COL25A1: variants seen among roughly 807,000 people sequenced by gnomAD.
COL25A1 encodes collagen type XXV alpha 1 chain, also known as collagen alpha-1(XXV) chain.
In COL25A1, 103 loss-of-function variants were observed where a neutral mutation model predicts 128.4. The observed-to-expected ratio is 0.80, with a 90% confidence interval of 0.68 to 0.94. COL25A1 has a LOEUF of 0.94. Ranked by LOEUF, COL25A1 falls within the 40% of genes least tolerant of loss-of-function variation. The probability of loss-of-function intolerance (pLI) is 0.00; values close to 1 mark genes in which losing one functional copy is unlikely to be tolerated. For missense variants in COL25A1, 745 were observed against 840.0 expected (o/e 0.89, Z 1.40); for synonymous variants, 279 against 277.2 (o/e 1.01, Z -0.06).
chr4:108,863,277 C>T, intron 21 of COL25A1, 42 bp downstream of exon 21: 1 of 1,583,046 alleles, frequency 6.3e-7, no homozygotes, highest in Non-Finnish European at 8.7e-7. Context: ...TAAATCAAAT[C>T]AAGCCAGAGA....
chr4:109,228,411 A>T (rs539579028), intron 3 of COL25A1, among the ~76,000 whole-genome samples: 1 of 152,298 alleles, frequency 6.6e-6, no homozygotes, highest in South Asian at 2.1e-4. Context: ...ACCTAACATG[A>T]TGCAACTGAC....
chr4:109,051,976 T>A (rs558146660), intron 3 of COL25A1, among the ~76,000 whole-genome samples: 7 of 152,278 alleles, frequency 4.6e-5, no homozygotes, highest in African/African-American at 1.7e-4. Context: ...TGGAAAGTAC[T>A]TTGACTGACC....
At chr4:109,151,268 A>G (rs1771475664) in intron 3 of COL25A1, among the ~76,000 whole-genome samples, 1 of 152,140 alleles carries the variant, frequency 6.6e-6, no homozygotes, top group Non-Finnish European at 1.5e-5. Flanking sequence ...CCTATAGATT[A>G]GCAAATGTTC....
At chr4:108,849,211 A>G (rs1735476578) in intron 26 of COL25A1, among the ~76,000 whole-genome samples, 1 of 152,168 alleles carries the variant, frequency 6.6e-6, no homozygotes, top group Non-Finnish European at 1.5e-5. Context: ...AAAAAGGAAA[A>G]CATAACAGTT....
intron 6 of COL25A1, among the ~76,000 whole-genome samples, chr4:108,982,304 T>TAGGA (rs1349225423): frequency 6.6e-6 from 1 of 152,150 alleles, no homozygotes; most frequent in African/African-American, 2.4e-5. Flanking sequence ...ATTTCGAGAA[T>TAGGA]AGGAAGGTCT....
chr4:108,884,571 G>A (rs535570357), intron 18 of COL25A1, among the ~76,000 whole-genome samples: 33 of 152,290 alleles, frequency 2.2e-4, no homozygotes, highest in African/African-American at 7.7e-4. Context: ...TTGCCCAAAT[G>A]AAGATAATGT....
intron 3 of COL25A1, among the ~76,000 whole-genome samples, chr4:109,107,102 T>C (rs1322760177): frequency 6.6e-6 from 1 of 152,178 alleles, no homozygotes; most frequent in Non-Finnish European, 1.5e-5. Context: ...AAAAAGTTTT[T>C]TTTAAACTTA....
chr4:108,983,230 C>T (rs1753198137), intron 6 of COL25A1, among the ~76,000 whole-genome samples: 1 of 151,962 alleles, frequency 6.6e-6, no homozygotes, highest in South Asian at 2.1e-4. Flanking sequence ...AAAATGAACT[C>T]CATGGTGAAA....
At chr4:108,825,099 A>G in intron 34 of COL25A1, 97 bp downstream of exon 34, 1 of 942,444 alleles carries the variant, frequency 1.1e-6, no homozygotes, top group Non-Finnish European at 1.7e-6. Flanking sequence ...GCATACCTAT[A>G]TGCACAGAAA....
chr4:109,080,408 A>G (rs1254802906), intron 3 of COL25A1, among the ~76,000 whole-genome samples: 1 of 152,152 alleles, frequency 6.6e-6, no homozygotes, highest in Non-Finnish European at 1.5e-5. Flanking sequence ...ATAGAAAAAA[A>G]TATTAAATTA....
rs566335648 is a variant in COL25A1 at position 109,253,980 on chromosome 4, A to G, written c.367+46603T>C. Among the ~76,000 whole-genome samples, 48 of 151,900 alleles carry G rather than the reference A, an allele frequency of 3.2e-4. 1 individual carries two copies. The highest frequency in any genetic ancestry group is 5.6e-4 in the Non-Finnish European group (38 of 67,928). ...CGGGTGCCTGTAGTCCCAGCTACTC[A>G]GGAGGCTGAGGCAGGAGAATGGCGC... On this transcript the variant is annotated intron_variant, in intron 3 of 37. Coordinates refer to ENST00000399132, the MANE Select transcript of COL25A1 (RefSeq NM_198721.4).
chr4:109,229,537 G>A (rs7689965), intron 3 of COL25A1, among the ~76,000 whole-genome samples: 69,794 of 152,056 alleles, frequency 0.46, 19,325 homozygotes, highest in African/African-American at 0.77. Flanking sequence ...CATAAGACAC[G>A]TTACAGACTT....
intron 32 of COL25A1, among the ~76,000 whole-genome samples, chr4:108,830,840 A>G (rs543817665): frequency 6.6e-6 from 1 of 152,230 alleles, no homozygotes; most frequent in Non-Finnish European, 1.5e-5. Flanking sequence ...TTTTTAGTAC[A>G]TGGGCTGGGT....
intron 3 of COL25A1, among the ~76,000 whole-genome samples, chr4:109,078,864 T>C (rs2125991503): frequency 1.3e-5 from 2 of 152,318 alleles, no homozygotes; most frequent in Middle Eastern, 6.8e-3. Context: ...TACAGCACAC[T>C]GGCTTCCAAA....
chr4:108,834,521 G>A, intron 31 of COL25A1: 4 of 682,334 alleles, frequency 5.9e-6, no homozygotes, highest in Non-Finnish European at 9.9e-6. Flanking sequence ...GTTCTGGGAT[G>A]AATATCACAT....
intron 3 of COL25A1, among the ~76,000 whole-genome samples, chr4:109,121,673 G>A (rs1433863701): frequency 1.3e-5 from 2 of 152,032 alleles, no homozygotes; most frequent in African/African-American, 2.4e-5. Context: ...CATTGCTTGT[G>A]GGAATGCCAA....
At chr4:108,961,258 GAGTA>G (rs569161447) in intron 8 of COL25A1, among the ~76,000 whole-genome samples, 57 of 152,232 alleles carry the variant, frequency 3.7e-4, no homozygotes, top group African/African-American at 1.4e-3. Flanking sequence ...GTGTAATTAT[GAGTA>G]AGTATTCACA....
At chr4:109,125,238 C>T (rs1161556629) in intron 3 of COL25A1, among the ~76,000 whole-genome samples, 1 of 152,054 alleles carries the variant, frequency 6.6e-6, no homozygotes, top group Non-Finnish European at 1.5e-5. Context: ...AGGAACTAAT[C>T]CTGATGGTAT....
intron 5 of COL25A1, among the ~76,000 whole-genome samples, chr4:109,024,201 G>A (rs1021445234): frequency 3.3e-5 from 5 of 151,986 alleles, no homozygotes; most frequent in African/African-American, 1.2e-4. Flanking sequence ...CAGTAGGTTA[G>A]GTGTATTAAA....
Sources: allele counts gnomAD v4.1 joint callset (sites outside exome capture counted in the v4.1 genomes callset), GRCh38; gene constraint gnomAD v4.1.1; transcripts MANE v1.5; gene names NCBI Gene and HGNC (gene_info 2026-07-23, HGNC 2026-07-21).